CHCHD3: variants seen among roughly 807,000 people sequenced by gnomAD.
CHCHD3 encodes the protein coiled-coil-helix-coiled-coil-helix domain containing 3, also known as MICOS complex subunit MIC19.
A neutral mutation model predicts 38.2 loss-of-function variants in CHCHD3; 20 were observed. The observed-to-expected ratio is 0.52, with a 90% CI of 0.37 to 0.76. CHCHD3 has a LOEUF of 0.76. Ranked by LOEUF, CHCHD3 falls within the 30% of genes least tolerant of loss-of-function variation. The probability of loss-of-function intolerance (pLI) is 0.00; values close to 1 mark genes in which losing one functional copy is unlikely to be tolerated. For missense variants in CHCHD3, 245 were observed against 279.2 expected, an observed-to-expected ratio of 0.88 and a Z score of 0.87; for synonymous variants, 82 against 100.0, an observed-to-expected ratio of 0.82 and a Z score of 1.07.
intron 3 of CHCHD3, among the ~76,000 whole-genome samples, chr7:132,975,703 A>G (rs1811746576): frequency 1.3e-5 from 2 of 152,078 alleles, no homozygotes; most frequent in Non-Finnish European, 2.9e-5. Context: ...GACCAAGGCA[A>G]GTGGACCACT....
chr7:132,903,187 G>A (rs893907319), intron 4 of CHCHD3, among the ~76,000 whole-genome samples: 5 of 152,146 alleles, frequency 3.3e-5, no homozygotes, highest in Admixed American at 3.3e-4. Flanking sequence ...AAATGGCATA[G>A]TATTTGCATA....
chr7:132,896,626 C>G (rs1001267963), intron 4 of CHCHD3, among the ~76,000 whole-genome samples: 6 of 152,280 alleles, frequency 3.9e-5, no homozygotes, highest in African/African-American at 1.2e-4. Context: ...AAATGAATGG[C>G]TAGGGTTTCA....
intron 3 of CHCHD3, among the ~76,000 whole-genome samples, chr7:132,985,678 T>C (rs868849591): frequency 5.7e-5 from 2 of 35,128 alleles, no homozygotes; most frequent in East Asian, 8.9e-4. Context: ...GGGAGGGAGG[T>C]GGGGGGGGGG....
At chr7:132,954,572 C>T (rs1416390713) in intron 4 of CHCHD3, among the ~76,000 whole-genome samples, 1 of 152,028 alleles carries the variant, frequency 6.6e-6, no homozygotes, top group Admixed American at 6.5e-5. Context: ...CATGGGGCCA[C>T]CACAGCCCTC....
chr7:132,888,085 A>G (rs889390449), intron 4 of CHCHD3, among the ~76,000 whole-genome samples: 26 of 151,968 alleles, frequency 1.7e-4, no homozygotes, highest in Non-Finnish European at 3.5e-4. Context: ...CTTAAAAAAG[A>G]AAAAAGAAAA....
At chr7:132,982,728 G>T (rs986345544) in intron 3 of CHCHD3, among the ~76,000 whole-genome samples, 6 of 152,060 alleles carry the variant, frequency 3.9e-5, no homozygotes, top group Admixed American at 1.3e-4. Context: ...ATTATATTTC[G>T]GATGAAAAGC....
chr7:132,887,923 T>C (rs2117179147), intron 4 of CHCHD3, among the ~76,000 whole-genome samples: 1 of 151,934 alleles, frequency 6.6e-6, no homozygotes. Flanking sequence ...ATGTACCAGA[T>C]CTAAAAACTC....
In CHCHD3 at chr7:132,964,327, A is replaced by C. The variant is rs551279866; in HGVS notation, c.369+10842T>G. On this transcript the variant is annotated intron_variant, in intron 4 of 7. Transcript: ENST00000262570. Reference sequence around the variant, plus strand: ...GCCGGGCACAGTGGCTCATGCCTGTAATCCCAGCACTTTGGGAGGCCGAGG... The same window carrying C: ...GCCGGGCACAGTGGCTCATGCCTGTCATCCCAGCACTTTGGGAGGCCGAGG... 2.6e-3 allele frequency among the ~76,000 whole-genome samples: 394 copies of C among 152,350 alleles called. 4 individuals are homozygous for C. The highest frequency in any genetic ancestry group is 9.0e-3 in the African/African-American group (376 of 41,576).
At chr7:132,984,387 TG>T (rs1812019254) in intron 3 of CHCHD3, among the ~76,000 whole-genome samples, 1 of 151,286 alleles carries the variant, frequency 6.6e-6, no homozygotes, top group Non-Finnish European at 1.5e-5. Flanking sequence ...CAGGCTGGAG[TG>T]CAGTGGCGTG....
intron 4 of CHCHD3, among the ~76,000 whole-genome samples, chr7:132,955,173 GGTGTGTGTGTGT>G (rs3050414): frequency 1.4e-4 from 18 of 126,288 alleles, no homozygotes; most frequent in Admixed American, 8.6e-4. Flanking sequence ...TCCCTCAGAG[GGTGTGTGTGTGT>G]GTGTGTGTGT....
At chr7:133,073,427 G>A (rs1429195561) in intron 1 of CHCHD3, among the ~76,000 whole-genome samples, 3 of 152,074 alleles carry the variant, frequency 2.0e-5, no homozygotes, top group African/African-American at 7.2e-5. Flanking sequence ...CAGAAGCCCG[G>A]TCTCCACACT....
At chr7:132,971,195 T>C (rs1206053977) in intron 4 of CHCHD3, among the ~76,000 whole-genome samples, 1 of 152,206 alleles carries the variant, frequency 6.6e-6, no homozygotes, top group East Asian at 1.9e-4. Context: ...GTCCTGTCCT[T>C]CTAGTCAGTC....
chr7:132,975,486 A>G (rs1349037779), intron 3 of CHCHD3, among the ~76,000 whole-genome samples, 200 bp from the exon 4 acceptor site: 4 of 152,316 alleles, frequency 2.6e-5, no homozygotes, highest in African/African-American at 9.6e-5. Context: ...TCAAATAACC[A>G]AATTCAAATA....
chr7:132,904,412 G>T (rs145243658), intron 4 of CHCHD3, among the ~76,000 whole-genome samples: 71 of 152,236 alleles, frequency 4.7e-4, no homozygotes, highest in African/African-American at 1.6e-3. Flanking sequence ...AGATTATTCT[G>T]ACTCACATTT....
chr7:132,990,861 C>T (rs1322572898), intron 3 of CHCHD3, among the ~76,000 whole-genome samples: 1 of 151,742 alleles, frequency 6.6e-6, no homozygotes, highest in Non-Finnish European at 1.5e-5. Flanking sequence ...CAAAATGCAA[C>T]CTCTCACCCT....
intron 7 of CHCHD3, among the ~76,000 whole-genome samples, chr7:132,793,021 G>A (rs988812138): frequency 6.6e-6 from 1 of 152,142 alleles, no homozygotes. Flanking sequence ...AAACCCTTTC[G>A]ACACCCTTCC....
intron 3 of CHCHD3, among the ~76,000 whole-genome samples, chr7:132,982,018 T>C (rs113077999): frequency 0.019 from 2,851 of 152,332 alleles, 102 homozygotes; most frequent in African/African-American, 0.064. Flanking sequence ...GCATCATATT[T>C]TGTCAGAACC....
At chr7:132,836,805 T>C (rs1457491462) in intron 6 of CHCHD3, among the ~76,000 whole-genome samples, 1 of 152,184 alleles carries the variant, frequency 6.6e-6, no homozygotes, top group East Asian at 1.9e-4. Context: ...TTATTTTTCA[T>C]GTCTCCAACT....
At chr7:132,995,416 T>A (rs1298966106) in intron 3 of CHCHD3, among the ~76,000 whole-genome samples, 2 of 152,196 alleles carry the variant, frequency 1.3e-5, no homozygotes, top group Admixed American at 6.5e-5. Context: ...CTTCTAAAAT[T>A]TAAGCCTATA....
Sources: gnomAD v4.1 joint callset for allele counts (sites outside exome capture counted in the v4.1 genomes callset) on GRCh38, gnomAD v4.1.1 for gene constraint, MANE v1.5 for transcripts, NCBI Gene and HGNC (gene_info 2026-07-23, HGNC 2026-07-21) for gene names.